Variants in CPQ observed in about 807,000 individuals in gnomAD.
CPQ encodes the protein carboxypeptidase Q.
A neutral mutation model predicts 45.7 loss-of-function variants in CPQ; 37 were observed. That is an observed-to-expected ratio of 0.81 (90% CI 0.62 to 1.07). The LOEUF (loss-of-function observed/expected upper bound fraction) is 1.07, where lower values mean the gene tolerates loss of function less well. CPQ is among the 50% of genes least tolerant of loss of function. The probability of loss-of-function intolerance (pLI) is 0.00; values close to 1 mark genes in which losing one functional copy is unlikely to be tolerated. For synonymous variants in CPQ, 186 were observed against 205.8 expected (o/e 0.90, Z 0.82); for missense variants, 537 against 572.9 (o/e 0.94, Z 0.64).
chr8:97,046,241 T>TC lies in CPQ; in HGVS notation c.1053+16749dup, dbSNP rs201745901. On this transcript the variant is annotated intron_variant, in intron 6 of 7. Transcript: ENST00000220763. ...AAACACAAAGGCATACTTTTTTTTT[T>TC]CCTAAGCAGATCGGAACTTCTATTC... Among the ~76,000 whole-genome samples, 823 of 152,274 alleles carry TC rather than the reference T, an allele frequency of 5.4e-3. 4 individuals carry two copies. The highest frequency in any genetic ancestry group is 8.4e-3 in the Non-Finnish European group (570 of 68,012).
chr8:96,961,070 A>G (rs1440967715), intron 4 of CPQ, among the ~76,000 whole-genome samples: 2 of 152,148 alleles, frequency 1.3e-5, no homozygotes, highest in African/African-American at 4.8e-5. Flanking sequence ...CAAGAGTGGA[A>G]TTGTTGGATT....
At chr8:96,860,184 GTACCTT>G (rs1224751422) in intron 3 of CPQ, among the ~76,000 whole-genome samples, 2 of 152,084 alleles carry the variant, frequency 1.3e-5, no homozygotes, top group African/African-American at 4.8e-5. Context: ...GGTACATTTA[GTACCTT>G]TACAACGTGT....
At chr8:97,041,371 A>T (rs1251128678) in intron 6 of CPQ, among the ~76,000 whole-genome samples, 1 of 152,132 alleles carries the variant, frequency 6.6e-6, no homozygotes, top group Non-Finnish European at 1.5e-5. Context: ...TTATCAGCTT[A>T]AGGAGATTTT....
At chr8:96,970,998 A>AACTC (rs1408965823) in intron 5 of CPQ, among the ~76,000 whole-genome samples, 2 of 152,222 alleles carry the variant, frequency 1.3e-5, no homozygotes, top group East Asian at 3.8e-4. Flanking sequence ...TAAGTTTGGG[A>AACTC]ACTCCCTCTT....
chr8:96,839,466 A>G (rs1811576843), intron 3 of CPQ, among the ~76,000 whole-genome samples: 1 of 152,162 alleles, frequency 6.6e-6, no homozygotes, highest in African/African-American at 2.4e-5. Flanking sequence ...TTCTGATGGT[A>G]AAATACCTTT....
At chr8:96,800,371 A>C (rs1810990392) in intron 2 of CPQ, among the ~76,000 whole-genome samples, 1 of 152,222 alleles carries the variant, frequency 6.6e-6, no homozygotes, top group African/African-American at 2.4e-5. Context: ...AGGCACCCTC[A>C]TGCACTGATT....
chr8:96,967,189 G>GAAC (rs1358536736), intron 5 of CPQ, among the ~76,000 whole-genome samples: 5 of 152,058 alleles, frequency 3.3e-5, no homozygotes, highest in African/African-American at 1.2e-4. Context: ...GGAAAAAGTC[G>GAAC]AACATTTTTC....
chr8:97,122,360 A>G (rs113485709), intron 7 of CPQ, among the ~76,000 whole-genome samples: 3 of 152,314 alleles, frequency 2.0e-5, no homozygotes, highest in African/African-American at 7.2e-5. Flanking sequence ...AATGTCTTGT[A>G]GAAGACAATG....
chr8:96,873,363 C>G (rs928958665), intron 3 of CPQ, among the ~76,000 whole-genome samples: 8 of 151,028 alleles, frequency 5.3e-5, no homozygotes, highest in Admixed American at 1.3e-4. Flanking sequence ...TAGTGCTCCC[C>G]CTTTGTGAAT....
At chr8:97,138,256 C>T (rs1422483271) in intron 7 of CPQ, among the ~76,000 whole-genome samples, 4 of 152,196 alleles carry the variant, frequency 2.6e-5, no homozygotes, top group South Asian at 2.1e-4. Context: ...CAAACTGGAA[C>T]GCTCACATGT....
intron 1 of CPQ, among the ~76,000 whole-genome samples, chr8:96,684,857 T>G (rs1030558683): frequency 3.9e-5 from 6 of 151,994 alleles, no homozygotes; most frequent in African/African-American, 1.4e-4. Flanking sequence ...CCCAGCACTT[T>G]GGGAGGCTGA....
chr8:96,875,241 A>T (rs950483352), intron 3 of CPQ, among the ~76,000 whole-genome samples: 2 of 151,954 alleles, frequency 1.3e-5, no homozygotes, highest in African/African-American at 4.8e-5. Flanking sequence ...TATCAGATAT[A>T]TGCTTTGTAA....
chr8:96,675,723 G>C (rs113840376), intron 1 of CPQ, among the ~76,000 whole-genome samples: 3,685 of 152,110 alleles, frequency 0.024, 166 homozygotes, highest in African/African-American at 0.084. Context: ...ACTTAGTAAT[G>C]TGATGGAGGG....
At chr8:96,860,210 A>C (rs1446278066) in intron 3 of CPQ, among the ~76,000 whole-genome samples, 1 of 152,148 alleles carries the variant, frequency 6.6e-6, no homozygotes, top group African/African-American at 2.4e-5. Flanking sequence ...TGCAGTGATC[A>C]TGCCATGGAT....
intron 4 of CPQ, among the ~76,000 whole-genome samples, chr8:96,933,554 G>T (rs1453214398): frequency 3.3e-5 from 5 of 152,262 alleles, no homozygotes; most frequent in Non-Finnish European, 4.4e-5. Context: ...TGTTTCCAAG[G>T]CACTAAATAA....
intron 3 of CPQ, among the ~76,000 whole-genome samples, chr8:96,868,784 T>C (rs1391976328): frequency 1.3e-5 from 2 of 152,004 alleles, no homozygotes; most frequent in African/African-American, 2.4e-5. Context: ...ATTTTCTATA[T>C]ATATAAAAAT....
At chr8:96,924,504 G>T (rs1273408711) in intron 4 of CPQ, among the ~76,000 whole-genome samples, 1 of 152,080 alleles carries the variant, frequency 6.6e-6, no homozygotes, top group Non-Finnish European at 1.5e-5. Context: ...CATTTGAAAA[G>T]AATATTTTGC....
intron 4 of CPQ, among the ~76,000 whole-genome samples, chr8:96,947,347 C>A (rs1372388786): frequency 6.6e-6 from 1 of 152,144 alleles, no homozygotes; most frequent in East Asian, 1.9e-4. Flanking sequence ...CCCTATGGTG[C>A]TTGCACAACA....
chr8:97,041,762 G>A (rs934005819), intron 6 of CPQ, among the ~76,000 whole-genome samples: 1 of 152,070 alleles, frequency 6.6e-6, no homozygotes, highest in African/African-American at 2.4e-5. Flanking sequence ...TTTGTCTTTG[G>A]TTCTGTTTAT....
Sources: allele counts gnomAD v4.1 joint callset (sites outside exome capture counted in the v4.1 genomes callset), GRCh38; gene constraint gnomAD v4.1.1; transcripts MANE v1.5; gene names NCBI Gene and HGNC (gene_info 2026-07-23, HGNC 2026-07-21).